Variants in TMEM127 observed in about 807,000 individuals in gnomAD.
TMEM127 encodes transmembrane protein 127.
A neutral mutation model predicts 20.1 loss-of-function variants in TMEM127; 21 were observed. The ratio of observed to expected loss-of-function variants is 1.04; its 90% CI spans 0.74 to 1.50. TMEM127 has a LOEUF of 1.50. Among genes scored for constraint, TMEM127 ranks in the 40% most tolerant of loss-of-function variants. The pLI is 0.00. For missense variants in TMEM127, 303 were observed against 317.4 expected (o/e 0.95, Z 0.34); for synonymous variants, 150 against 144.7 (o/e 1.04, Z -0.26).
In TMEM127 at chr2:96,265,356, A is replaced by G. The variant is rs2104308474; in HGVS notation, c.26T>C (p.Leu9Pro). Residue 9 changes from leucine (L) to proline (P), a missense_variant, in exon 2 of 4, where the codon CTG becomes CCG. Leu to Pro is a moderately conservative substitution (Grantham distance 98). Transcript: ENST00000258439. ...GCTCCTCCGCCGGCGCCCGCCGGGC[A>G]GCCCTGCGCCTCCGGGGGCGTACAT... MYAPGGAG[L>P]PGGRRRRSPG... 1 of 1,483,844 alleles carries G rather than the reference A, an allele frequency of 6.7e-7. No homozygotes were observed. The highest frequency in any genetic ancestry group is 8.9e-7 in the Non-Finnish European group (1 of 1,124,206). The allele number at this position is 1,483,844 out of a possible 1,614,324, so 91.9% of individuals were successfully genotyped here.
intron 2 of TMEM127, among the ~76,000 whole-genome samples, chr2:96,259,885 A>G (rs1684280796): frequency 6.6e-6 from 1 of 152,248 alleles, no homozygotes; most frequent in Non-Finnish European, 1.5e-5. Context: ...CAGCTGGGCC[A>G]GTGTGTCACC....
chr2:96,265,402 G>A lies in TMEM127; in HGVS notation c.-21C>T, dbSNP rs969821189. ...TACATGCCCGGGGCCGCCCGCCGTC[G>A]CTCCGCAGTCGCTGCTGGTCGCCGC... On this transcript the variant is annotated 5_prime_UTR_variant, in exon 2 of 4. Transcript: ENST00000258439. 30 of 1,357,976 alleles carry A rather than the reference G, an allele frequency of 2.2e-5. No homozygotes were observed. The African/African-American group carries it at 4.1e-4, about 19-fold the overall frequency. The allele number at this position is 1,357,976 out of a possible 1,614,324, so 84.1% of individuals were successfully genotyped here.
intron 2 of TMEM127, among the ~76,000 whole-genome samples, chr2:96,257,387 T>C (rs1359277370): frequency 6.6e-6 from 1 of 151,514 alleles, no homozygotes; most frequent in Non-Finnish European, 1.5e-5. Context: ...GCTTGAACCC[T>C]GGAGACGGAG....
At position 96,254,782 on chromosome 2, in the gene TMEM127, C is replaced by T. The variant is rs781666420; in HGVS notation, c.409+51G>A. On this transcript the variant is annotated intron_variant, in intron 3 of 3. Coordinates refer to ENST00000258439, the MANE Select transcript of TMEM127 (RefSeq NM_017849.4). ...CCCCACCGGCAACTCAGACAGGATGCCCCCACCCTGTAGCAGTTCCTCTCC... is the reference window on the plus strand; with the variant it reads ...CCCCACCGGCAACTCAGACAGGATGTCCCCACCCTGTAGCAGTTCCTCTCC... 1.4e-5 allele frequency: 22 copies of T among 1,608,118 alleles called. No homozygotes were observed. In the South Asian group the frequency reaches 2.3e-4, roughly 17 times the overall value.
chr2:96,253,720 G>A lies in TMEM127; in HGVS notation c.*88C>T. The A allele has an allele frequency of 1.4e-6, 2 of 1,429,542 alleles. No homozygotes were observed. Among genetic ancestry groups the A allele is most frequent in the Middle Eastern group, 2.4e-4 (1 of 4,202 alleles). The allele number at this position is 1,429,542 out of a possible 1,614,324, so 88.6% of individuals were successfully genotyped here. The stretch of plus-strand genomic sequence containing the variant: ...AGATGGTCAGGATCCTACCAGTGAG[G>A]CCTGCTGGGGAAAGGAGCTCCTCTG... On this transcript the variant is annotated 3_prime_UTR_variant, in exon 4 of 4. Transcript: ENST00000258439. This position sits in a 1 kb window ranked among gnomAD's most constrained non-coding sequence, Gnocchi z 4.3.
rs183041214 is a variant in TMEM127, at chr2:96,249,967, G to A, written c.*3841C>T. The A allele has an allele frequency of 3.9e-5, 9 of 232,980 alleles. No individual in the cohort carries two copies. In the East Asian group the frequency reaches 4.2e-4, roughly 11 times the overall value. The allele number at this position is 232,980 out of a possible 1,614,324, so 14.4% of individuals were successfully genotyped here. A position where few individuals can be genotyped will look rare whatever the true frequency, so the allele number is the denominator to read the frequency against. ...GTTGATGCCACCTTCCAGCTGCCACGTGACAGGTGGGCAGAGACTGGGGCT... is the reference window on the plus strand; with the variant it reads ...GTTGATGCCACCTTCCAGCTGCCACATGACAGGTGGGCAGAGACTGGGGCT... On this transcript the variant is annotated 3_prime_UTR_variant, in exon 4 of 4. Coordinates refer to ENST00000258439, the MANE Select transcript of TMEM127 (RefSeq NM_017849.4).
In TMEM127 at chr2:96,265,872, TCA is replaced by T; in HGVS notation, c.-137_-136del. On this transcript the variant is annotated 5_prime_UTR_variant, in exon 1 of 4. Coordinates refer to ENST00000258439, the MANE Select transcript of TMEM127 (RefSeq NM_017849.4). ...CACGCCGCCCACTGTTCCTCACCAG[TCA>T]GCAGGCCCCAGGGCTGGGATGGTGC... 5.9e-6 allele frequency: 1 copy of T among 170,020 alleles called. No homozygotes were observed. Among genetic ancestry groups the T allele is most frequent in the Non-Finnish European group, 1.3e-5 (1 of 79,896 alleles). The allele number at this position is 170,020 out of a possible 1,614,324, so 10.5% of individuals were successfully genotyped here.
chr2:96,256,571 CAAAA>C (rs1234363746), intron 2 of TMEM127, among the ~76,000 whole-genome samples: 1 of 54,652 alleles, frequency 1.8e-5, no homozygotes, highest in Admixed American at 2.0e-4. Flanking sequence ...AACTCTGTCT[CAAAA>C]AAAAAAAAAA....
rs975053246 is a variant in TMEM127 at position 96,252,289 on chromosome 2, A to G, written c.*1519T>C. On this transcript the variant is annotated 3_prime_UTR_variant, in exon 4 of 4. Transcript: ENST00000258439. The surrounding 1 kb of genome is among the most constrained non-coding windows in gnomAD (Gnocchi z 4.2). Reference sequence around the variant, plus strand: ...TTCTCCAGTCTTGCTCAAACTATCTATCACCTTAAAGGTTGGAAGAGATTG... The same window carrying G: ...TTCTCCAGTCTTGCTCAAACTATCTGTCACCTTAAAGGTTGGAAGAGATTG... The G allele has an allele frequency of 1.3e-5, 3 of 232,806 alleles. No individual in the cohort carries two copies. Among genetic ancestry groups the G allele is most frequent in the African/African-American group, 4.4e-5 (2 of 45,328 alleles). 14.4% of individuals were successfully genotyped at this position (232,806 alleles called of 1,614,324 possible).
intron 2 of TMEM127, among the ~76,000 whole-genome samples, chr2:96,263,162 C>T (rs1476481221): frequency 6.6e-6 from 1 of 151,196 alleles, no homozygotes; most frequent in South Asian, 2.1e-4. Flanking sequence ...TCAAGCGATT[C>T]GCCTGCCTCA....
At position 96,253,871 on chromosome 2, in the gene TMEM127, C is replaced by T. The variant is rs776822044; in HGVS notation, c.654G>A (p.Glu218=). The change falls in exon 4 of 4, where the codon GAG becomes GAA. Residue 218 remains glutamate (E), a synonymous_variant. Transcript: ENST00000258439. The surrounding 1 kb of genome is among the most constrained non-coding windows in gnomAD (Gnocchi z 4.3). The part of the protein sequence containing the change: ...LELLSEMEEN[E]PYPAEYEVIN... Reference sequence around the variant, plus strand: ...TGACCTCATATTCCGCCGGGTAGGGCTCGTTCTCTTCCATCTCTGAGAGCA... The same window carrying T: ...TGACCTCATATTCCGCCGGGTAGGGTTCGTTCTCTTCCATCTCTGAGAGCA... 3 of 1,614,128 alleles carry T rather than the reference C, an allele frequency of 1.9e-6. No individual in the cohort carries two copies. Among genetic ancestry groups the T allele is most frequent in the Non-Finnish European group, 2.5e-6 (3 of 1,180,018 alleles).
chr2:96,265,068 A>G (rs1684384763), intron 2 of TMEM127, 70 bp downstream of exon 2: 1 of 1,597,314 alleles, frequency 6.3e-7, no homozygotes, highest in Non-Finnish European at 8.5e-7. Context: ...GTCCCTGGCT[A>G]TCTCTGCTTC....
chr2:96,251,084 T>C lies in TMEM127; in HGVS notation c.*2724A>G, dbSNP rs541218732. 9.2e-6 allele frequency: 2 copies of C among 217,798 alleles called. No homozygotes were observed. The highest frequency in any genetic ancestry group is 1.3e-4 in the East Asian group (2 of 14,836). 13.5% of individuals were successfully genotyped at this position (217,798 alleles called of 1,614,324 possible). A position where few individuals can be genotyped will look rare whatever the true frequency, so the allele number is the denominator to read the frequency against. On this transcript the variant is annotated 3_prime_UTR_variant, in exon 4 of 4. Coordinates refer to ENST00000258439, the MANE Select transcript of TMEM127 (RefSeq NM_017849.4). ...GAGCTCAGGGTTTGAAGGTTGGGCC[T>C]TGGGCGGGAGTCAGCTACTATTTCT... is the stretch of plus-strand genomic sequence containing the variant.
At chr2:96,263,832 G>A (rs548559151) in intron 2 of TMEM127, among the ~76,000 whole-genome samples, 1 of 152,226 alleles carries the variant, frequency 6.6e-6, no homozygotes, top group African/African-American at 2.4e-5. Context: ...GGTGGTATGT[G>A]TGCTTCAAAG....
chr2:96,263,968 CTT>C (rs1418974306), intron 2 of TMEM127, among the ~76,000 whole-genome samples: 1 of 152,146 alleles, frequency 6.6e-6, no homozygotes, highest in Non-Finnish European at 1.5e-5. Flanking sequence ...GTGTGCATAA[CTT>C]TGGCTTTAAT....
rs951410098 is a variant in TMEM127, at chr2:96,248,793, C to T, written c.*5015G>A. 17 of 231,906 alleles carry T rather than the reference C, an allele frequency of 7.3e-5. No homozygotes were observed. Among genetic ancestry groups the T allele is most frequent in the African/African-American group, 3.1e-4 (14 of 45,262 alleles). 14.4% of individuals were successfully genotyped at this position (231,906 alleles called of 1,614,324 possible). ...TGCACCTTCAGGCCCCATTCTCAGA[C>T]ACCTGTACAACCCCTTAAGCCAGAC... On this transcript the variant is annotated 3_prime_UTR_variant, in exon 4 of 4. Transcript: ENST00000258439.
rs1684395770 is a variant in TMEM127, at chr2:96,265,339, G to C, written c.43C>G (p.Arg15Gly). The C allele has an allele frequency of 3.3e-6, 5 of 1,507,806 alleles. No homozygotes were observed. The highest frequency in any genetic ancestry group is 4.4e-6 in the Non-Finnish European group (5 of 1,133,100). The allele number at this position is 1,507,806 out of a possible 1,614,324, so 93.4% of individuals were successfully genotyped here. A position where few individuals can be genotyped will look rare whatever the true frequency, so the allele number is the denominator to read the frequency against. The change falls in exon 2 of 4, where the codon CGG (arginine) becomes GGG (glycine). Residue 15 changes from arginine to glycine, a missense_variant. By Grantham distance (125) the Arg-to-Gly change is moderately radical (BLOSUM62 -2). Transcript: ENST00000258439. ...AGAGCGCTGCCTCCCGGGCTCCTCC[G>C]CCGGCGCCCGCCGGGCAGCCCTGCG... The part of the protein sequence containing the change: ...GGAGLPGGRR[R>G]RSPGGSALPK...
chr2:96,265,123 G>A lies in TMEM127; in HGVS notation c.244+15C>T, dbSNP rs748803974. ...CCCCACCGAGGCTTTAAGGGCCAGC[G>A]CGCAGCACCCTCACCTTTCAGCAGG... On this transcript the variant is annotated intron_variant, in intron 2 of 3. Transcript: ENST00000258439. 8 of 1,612,000 alleles carry A rather than the reference G, an allele frequency of 5.0e-6. No individual in the cohort carries two copies. Among genetic ancestry groups the A allele is most frequent in the Non-Finnish European group, 6.8e-6 (8 of 1,179,746 alleles).
intron 2 of TMEM127, among the ~76,000 whole-genome samples, chr2:96,260,912 G>T (rs1329637580): frequency 6.6e-6 from 1 of 152,186 alleles, no homozygotes; most frequent in African/African-American, 2.4e-5. Flanking sequence ...GCCCAGCCAG[G>T]TTATCCCACA....
Sources: allele counts gnomAD v4.1 joint callset (sites outside exome capture counted in the v4.1 genomes callset), GRCh38; gene constraint gnomAD v4.1.1; non-coding constraint Gnocchi (gnomAD v3.1); transcripts MANE v1.5; gene names NCBI Gene and HGNC (gene_info 2026-07-23, HGNC 2026-07-21).